Variants in DNM3 observed in about 807,000 individuals in gnomAD.
DNM3 encodes the protein dynamin 3, also known as dynamin-3.
In DNM3, 47 loss-of-function variants were observed where a neutral mutation model predicts 101.6. The ratio of observed to expected loss-of-function variants is 0.46; its 90% confidence interval spans 0.37 to 0.59. DNM3 has a LOEUF of 0.59. DNM3 is among the 20% of genes least tolerant of loss of function. DNM3 has a pLI of 0.00. For missense variants in DNM3, 849 were observed against 1,085.7 expected (o/e 0.78, Z 3.06); for synonymous variants, 385 against 387.9 (o/e 0.99, Z 0.09).
chr1:172,154,899 G>T (rs1298989353), intron 14 of DNM3, among the ~76,000 whole-genome samples: 2 of 152,002 alleles, frequency 1.3e-5, no homozygotes, highest in African/African-American at 4.8e-5. Flanking sequence ...TTTTCTGTTA[G>T]TTTAAGATCA....
At chr1:171,854,936 A>G (rs1456641035) in intron 1 of DNM3, among the ~76,000 whole-genome samples, 1 of 151,958 alleles carries the variant, frequency 6.6e-6, no homozygotes. Context: ...TTTATAGGTA[A>G]ACTTGTGTCA....
chr1:172,242,292 C>T (rs892036532), intron 14 of DNM3, among the ~76,000 whole-genome samples: 1 of 152,078 alleles, frequency 6.6e-6, no homozygotes, highest in African/African-American at 2.4e-5. Context: ...TGGTTTTGAC[C>T]CCACCCCTTG....
At chr1:172,328,903 C>G (rs2066060548) in intron 17 of DNM3, among the ~76,000 whole-genome samples, 1 of 152,066 alleles carries the variant, frequency 6.6e-6, no homozygotes, top group Admixed American at 6.6e-5. Context: ...TGGTCTTGGA[C>G]TCCTGGGCTC....
chr1:172,242,768 CT>C (rs1172621992), intron 14 of DNM3, among the ~76,000 whole-genome samples: 4 of 152,154 alleles, frequency 2.6e-5, no homozygotes, highest in African/African-American at 9.7e-5. Context: ...TATACATGGA[CT>C]TCTGTCTGAT....
At chr1:172,014,022 C>T (rs1228829041) in intron 4 of DNM3, among the ~76,000 whole-genome samples, 1 of 152,122 alleles carries the variant, frequency 6.6e-6, no homozygotes, top group Non-Finnish European at 1.5e-5. Context: ...CTACTATCAG[C>T]ATTCCACACC....
At chr1:171,844,063 G>A (rs575076507) in intron 1 of DNM3, among the ~76,000 whole-genome samples, 121 of 152,100 alleles carry the variant, frequency 8.0e-4, no homozygotes, top group South Asian at 1.7e-3. Flanking sequence ...AATTTAATTA[G>A]GAAGGTCATT....
At chr1:171,858,245 A>G (rs939925189) in intron 1 of DNM3, among the ~76,000 whole-genome samples, 4 of 152,170 alleles carry the variant, frequency 2.6e-5, no homozygotes, top group Non-Finnish European at 2.9e-5. Context: ...TACATTTATG[A>G]GAAAAAATTC....
chr1:171,902,699 G>A (rs1246318464), intron 1 of DNM3, among the ~76,000 whole-genome samples: 1 of 151,912 alleles, frequency 6.6e-6, no homozygotes, highest in African/African-American at 2.4e-5. Flanking sequence ...ACATACTTTA[G>A]TGATTGACTT....
intron 14 of DNM3, among the ~76,000 whole-genome samples, chr1:172,216,569 C>T (rs2060707357): frequency 6.6e-6 from 1 of 152,088 alleles, no homozygotes; most frequent in South Asian, 2.1e-4. Context: ...CAAAAGGTTA[C>T]TTGGAAACAC....
chr1:171,865,270 C>A (rs557147670), intron 1 of DNM3, among the ~76,000 whole-genome samples: 1 of 151,804 alleles, frequency 6.6e-6, no homozygotes, highest in Admixed American at 6.5e-5. Context: ...AACCCCAGCA[C>A]TCTGGGAGGC....
chr1:171,880,494 A>G (rs1558204761), intron 1 of DNM3, among the ~76,000 whole-genome samples: 1 of 152,230 alleles, frequency 6.6e-6, no homozygotes, highest in South Asian at 2.1e-4. Context: ...GCGATCATTA[A>G]TTAGAGCAAA....
intron 14 of DNM3, among the ~76,000 whole-genome samples, chr1:172,163,531 C>G (rs937052900): frequency 6.6e-6 from 1 of 151,998 alleles, no homozygotes; most frequent in Non-Finnish European, 1.5e-5. Flanking sequence ...AGCCACTGTG[C>G]CTGGCCAATA....
intron 1 of DNM3, among the ~76,000 whole-genome samples, chr1:171,879,636 C>T (rs2036090184): frequency 1.3e-5 from 2 of 152,158 alleles, no homozygotes; most frequent in Admixed American, 1.3e-4. Flanking sequence ...GAATGGCTTC[C>T]AGAAAGGCAC....
intron 14 of DNM3, among the ~76,000 whole-genome samples, chr1:172,234,847 A>G (rs2061476889): frequency 6.6e-6 from 1 of 152,216 alleles, no homozygotes; most frequent in East Asian, 1.9e-4. Context: ...ACAAAAATTA[A>G]TTCAAGATGG....
intron 1 of DNM3, among the ~76,000 whole-genome samples, chr1:171,890,746 G>A (rs187481535): frequency 1.3e-3 from 195 of 152,150 alleles, no homozygotes; most frequent in African/African-American, 4.5e-3. Flanking sequence ...ATATGTATAC[G>A]TCTATTTAGG....
rs116008186 is a variant in DNM3 at position 172,206,937 on chromosome 1, T to C, written c.1660-46636T>C. On this transcript the variant is annotated intron_variant, in intron 14 of 20. Transcript: ENST00000627582. Reference sequence around the variant, plus strand: ...CACTACTCCTCTGAGTTTCTGTATATTGTAGTCCCTATCACATTTCTCTTT... The same window carrying C: ...CACTACTCCTCTGAGTTTCTGTATACTGTAGTCCCTATCACATTTCTCTTT... Among the ~76,000 whole-genome samples, 706 of 152,220 alleles carry C rather than the reference T, an allele frequency of 4.6e-3. 3 individuals carry two copies. Among genetic ancestry groups the C allele is most frequent in the African/African-American group, 0.016 (683 of 41,562 alleles).
intron 17 of DNM3, among the ~76,000 whole-genome samples, chr1:172,377,948 A>G (rs1227290371): frequency 6.6e-6 from 1 of 152,046 alleles, no homozygotes; most frequent in African/African-American, 2.4e-5. Context: ...TTTAATATCC[A>G]GTAAAGCTAT....
chr1:172,290,580 G>A (rs1160652242), intron 15 of DNM3, among the ~76,000 whole-genome samples: 1 of 152,134 alleles, frequency 6.6e-6, no homozygotes. Context: ...AGTGACTGGA[G>A]GATAGTAAAC....
At chr1:172,217,913 C>T (rs1324547973) in intron 14 of DNM3, among the ~76,000 whole-genome samples, 1 of 152,078 alleles carries the variant, frequency 6.6e-6, no homozygotes, top group Non-Finnish European at 1.5e-5. Context: ...TGTGTCTTTC[C>T]TGAATTATTA....
Sources: gnomAD v4.1 joint callset for allele counts (sites outside exome capture counted in the v4.1 genomes callset) on GRCh38, gnomAD v4.1.1 for gene constraint, MANE v1.5 for transcripts, NCBI Gene and HGNC (gene_info 2026-07-23, HGNC 2026-07-21) for gene names.